Variants in ADCY1 observed in about 807,000 individuals in gnomAD.
ADCY1 encodes the protein adenylate cyclase type 1.
Under a neutral mutation model 105.4 loss-of-function variants are expected in ADCY1, and 28 were observed. The observed-to-expected ratio is 0.27, with a 90% CI of 0.20 to 0.36. The LOEUF is 0.36. Ranked by LOEUF, ADCY1 falls within the 10% of genes least tolerant of loss-of-function variation. ADCY1 has a pLI of 1.00. For synonymous variants in ADCY1, 655 were observed against 623.8 expected (o/e 1.05, Z -0.75); for missense variants, 977 against 1,434.2 (o/e 0.68, Z 5.15).
chr7:45,690,119 A>G (rs1327904016), intron 14 of ADCY1, among the ~76,000 whole-genome samples: 3 of 152,186 alleles, frequency 2.0e-5, no homozygotes, highest in Non-Finnish European at 2.9e-5. Context: ...AGCAAGTTGC[A>G]TGGTCAGGGG....
In ADCY1 at chr7:45,718,205, C is replaced by G. The variant is rs1012956722; in HGVS notation, c.*4210C>G. On this transcript the variant is annotated 3_prime_UTR_variant, in exon 20 of 20. Coordinates refer to ENST00000297323, the MANE Select transcript of ADCY1 (RefSeq NM_021116.4). ...CAAAGGCACCCACTCCATCCAAGAT[C>G]CGTTCCAATTGATGAGCCTCAGTAC... is the stretch of plus-strand genomic sequence containing the variant. The G allele has an allele frequency of 6.6e-6, 1 of 152,330 alleles. No homozygotes were observed. The highest frequency in any genetic ancestry group is 2.4e-5 in the African/African-American group (1 of 41,446). The allele number at this position is 152,330 out of a possible 1,614,324, so 9.4% of individuals were successfully genotyped here. A position where few individuals can be genotyped will look rare whatever the true frequency, so the allele number is the denominator to read the frequency against.
chr7:45,699,809 C>A (rs1301031388), intron 14 of ADCY1, among the ~76,000 whole-genome samples: 1 of 152,146 alleles, frequency 6.6e-6, no homozygotes, highest in Non-Finnish European at 1.5e-5. Context: ...TCAGATAGGA[C>A]GAGTTCTCTT....
rs781610623 is a variant in ADCY1, at chr7:45,686,034, C to A, written c.2146C>A (p.Arg716Ser). ...GGTGGTCCTTTCGTCTGGGGGCCAG[C>A]GCACAGCCCTGCCCACCCTGCCCTG... is the stretch of plus-strand genomic sequence containing the variant. Reference protein sequence around the residue: ...SLVVLSSGGQRTALPTLPCES... With the variant: ...SLVVLSSGGQSTALPTLPCES... Residue 716 changes from arginine to serine, a missense_variant, in exon 13 of 20, where the codon CGC (arginine) becomes AGC (serine). Coordinates refer to ENST00000297323, the MANE Select transcript of ADCY1 (RefSeq NM_021116.4). The surrounding 1 kb of genome is among the most constrained non-coding windows in gnomAD (Gnocchi z 4.3). 1 of 1,614,060 alleles carries A rather than the reference C, an allele frequency of 6.2e-7. No individual in the cohort carries two copies. The highest frequency in any genetic ancestry group is 1.1e-5 in the South Asian group (1 of 91,062).
At chr7:45,684,824 A>C in intron 11 of ADCY1, 155 bp from the exon 12 acceptor site, 1 of 584,242 alleles carries the variant, frequency 1.7e-6, no homozygotes, top group South Asian at 2.9e-5. Context: ...TAAACAAATG[A>C]AAAAAGCCAA....
At position 45,718,792 on chromosome 7, in the gene ADCY1, T is replaced by TCAGGAG. The variant is rs1785407880; in HGVS notation, c.*4802_*4807dup. 6.6e-6 allele frequency: 1 copy of TCAGGAG among 152,378 alleles called. No homozygotes were observed. The highest frequency in any genetic ancestry group is 1.5e-5 in the Non-Finnish European group (1 of 68,210). The allele number at this position is 152,378 out of a possible 1,614,324, so 9.4% of individuals were successfully genotyped here. A position where few individuals can be genotyped will look rare whatever the true frequency, so the allele number is the denominator to read the frequency against. On this transcript the variant is annotated 3_prime_UTR_variant, in exon 20 of 20. Coordinates refer to ENST00000297323, the MANE Select transcript of ADCY1 (RefSeq NM_021116.4). ...CAAGGAGCCCCCCTGGGTGGGGGCA[T>TCAGGAG]CAGGAGCAGGGGCAGGGCCTGAGGA...
At position 45,610,357 on chromosome 7, in the gene ADCY1, C is replaced by T. The variant is rs745693406; in HGVS notation, c.790-22C>T. 23 of 1,600,530 alleles carry T rather than the reference C, an allele frequency of 1.4e-5. 1 individual carries two copies. Among genetic ancestry groups the T allele is most frequent in the South Asian group, 6.6e-5 (6 of 90,690 alleles). The stretch of plus-strand genomic sequence containing the variant: ...AGGGAGGGGGCCCTGCTGTCTAACC[C>T]GGGCCCTTCTCTTCTGTCCAGGAGC... On this transcript the variant is annotated intron_variant, in intron 2 of 19. Transcript: ENST00000297323.
At chr7:45,584,365 G>T (rs967890918) in intron 1 of ADCY1, among the ~76,000 whole-genome samples, 1 of 152,204 alleles carries the variant, frequency 6.6e-6, no homozygotes, top group South Asian at 2.1e-4. Flanking sequence ...ATGGGGAATT[G>T]TTGTTTACAC....
intron 1 of ADCY1, among the ~76,000 whole-genome samples, chr7:45,581,474 T>G (rs1273659720): frequency 3.3e-5 from 5 of 152,208 alleles, no homozygotes. Flanking sequence ...CTAAACACCC[T>G]GTGGAACAGC....
chr7:45,687,050 G>A (rs1267103006), intron 14 of ADCY1, among the ~76,000 whole-genome samples: 1 of 152,184 alleles, frequency 6.6e-6, no homozygotes, highest in Non-Finnish European at 1.5e-5. Flanking sequence ...TCTCATCGGG[G>A]TCATTGGGAA....
intron 8 of ADCY1, among the ~76,000 whole-genome samples, chr7:45,667,513 G>A (rs1210716362): frequency 4.6e-5 from 7 of 152,206 alleles, no homozygotes; most frequent in Non-Finnish European, 8.8e-5. Context: ...CCAGTACCAT[G>A]CTGTTTTGGT....
chr7:45,627,976 C>G (rs1562695582), intron 4 of ADCY1, among the ~76,000 whole-genome samples: 1 of 152,198 alleles, frequency 6.6e-6, no homozygotes, highest in South Asian at 2.1e-4. Flanking sequence ...TTCGCATATG[C>G]ACAGCCATGG....
At chr7:45,593,362 T>C (rs1054320693) in intron 2 of ADCY1, among the ~76,000 whole-genome samples, 6 of 151,990 alleles carry the variant, frequency 3.9e-5, no homozygotes, top group Non-Finnish European at 8.8e-5. Context: ...TTGCTGGGAG[T>C]TGTAGAGGGG....
At chr7:45,712,377 G>A (rs1174244552) in intron 19 of ADCY1, among the ~76,000 whole-genome samples, 1 of 150,954 alleles carries the variant, frequency 6.6e-6, no homozygotes, top group Non-Finnish European at 1.5e-5. Context: ...ACCCCAGCCT[G>A]GCCCCTGCCC....
chr7:45,686,513 A>ACTGACTTGGCTTTT lies in ADCY1; in HGVS notation c.2328-31_2328-18dup. 6.3e-7 allele frequency: 1 copy of ACTGACTTGGCTTTT among 1,591,484 alleles called. No individual in the cohort carries two copies. The highest frequency in any genetic ancestry group is 8.6e-7 in the Non-Finnish European group (1 of 1,166,924). The stretch of plus-strand genomic sequence containing the variant: ...CAGAGTCTTGCCCTGGAAGCTCGGC[A>ACTGACTTGGCTTTT]CTGACTTGGCTTTTCTTCCTCATCT... On this transcript the variant is annotated intron_variant, in intron 13 of 19. Transcript: ENST00000297323. This position sits in a 1 kb window ranked among gnomAD's most constrained non-coding sequence, Gnocchi z 4.3.
At chr7:45,604,358 A>T (rs1016333462) in intron 2 of ADCY1, among the ~76,000 whole-genome samples, 1 of 152,172 alleles carries the variant, frequency 6.6e-6, no homozygotes, top group African/African-American at 2.4e-5. Context: ...TTTAATATTG[A>T]TGAGGTTTAA....
intron 8 of ADCY1, among the ~76,000 whole-genome samples, chr7:45,669,106 A>G (rs184554371): frequency 0.037 from 5,585 of 152,176 alleles, 119 homozygotes; most frequent in East Asian, 0.064. Flanking sequence ...GATTTTTTGA[A>G]GGGTTTTTGT....
intron 8 of ADCY1, among the ~76,000 whole-genome samples, chr7:45,668,784 A>G (rs2116154665): frequency 6.6e-6 from 1 of 152,284 alleles, no homozygotes; most frequent in South Asian, 2.1e-4. Flanking sequence ...TTGGTAAGCT[A>G]TTAATTATTG....
Position 45,615,664 on chromosome 7 carries a change from C to A in ADCY1, c.908+5167C>A, listed in dbSNP as rs117232922. On this transcript the variant is annotated intron_variant, in intron 3 of 19. Transcript: ENST00000297323. ...ACCTTCAGACAAAGGAAAATGAAAA[C>A]ACAACATACCCAAACTTATGGGATG... Among the ~76,000 whole-genome samples the A allele has an allele frequency of 3.2e-3, 494 of 152,124 alleles. 16 individuals are homozygous for A. The South Asian group carries it at 0.045, about 14-fold the overall frequency.
intron 14 of ADCY1, among the ~76,000 whole-genome samples, chr7:45,701,746 T>C (rs1188732381): frequency 6.6e-6 from 1 of 152,160 alleles, no homozygotes; most frequent in Non-Finnish European, 1.5e-5. Context: ...CATCTGAGGC[T>C]GGAAATTGAA....
Sources: gnomAD v4.1 joint callset for allele counts (sites outside exome capture counted in the v4.1 genomes callset) on GRCh38, gnomAD v4.1.1 for gene constraint, Gnocchi (gnomAD v3.1) non-coding constraint, MANE v1.5 for transcripts, NCBI Gene and HGNC (gene_info 2026-07-23, HGNC 2026-07-21) for gene names.